EFCAB14: variants seen among roughly 807,000 people sequenced by gnomAD.
EFCAB14 encodes the protein EF-hand calcium-binding domain-containing protein 14.
EFCAB14 carries 43 observed loss-of-function variants against 56.5 expected under a neutral mutation model. The observed-to-expected ratio is 0.76, with a 90% CI of 0.60 to 0.98. The LOEUF (loss-of-function observed/expected upper bound fraction) is 0.98. Ranked by LOEUF, EFCAB14 falls within the 50% of genes least tolerant of loss-of-function variation. EFCAB14 has a pLI of 0.00. For missense variants in EFCAB14, 538 were observed against 580.3 expected (o/e 0.93, Z 0.75); for synonymous variants, 235 against 212.9 (o/e 1.10, Z -0.90).
chr1:46,693,816 C>A (rs1428799450), intron 4 of EFCAB14, among the ~76,000 whole-genome samples: 1 of 152,144 alleles, frequency 6.6e-6, no homozygotes, highest in Non-Finnish European at 1.5e-5. Context: ...GGAAGTTCCA[C>A]AAATGTTTAT....
At chr1:46,687,374 T>C (rs965531090) in intron 7 of EFCAB14, among the ~76,000 whole-genome samples, 2 of 152,210 alleles carry the variant, frequency 1.3e-5, no homozygotes, top group Non-Finnish European at 2.9e-5. Flanking sequence ...AAAGCTCCTT[T>C]AATCTTCACA....
At chr1:46,687,013 G>A in intron 7 of EFCAB14, 143 bp from the exon 8 acceptor site, 2 of 707,670 alleles carry the variant, frequency 2.8e-6, no homozygotes, top group East Asian at 2.7e-5. Flanking sequence ...GCAGAGGAGT[G>A]GGAGATGGGA....
intron 2 of EFCAB14, among the ~76,000 whole-genome samples, chr1:46,715,628 T>C (rs3766214): frequency 0.37 from 55,923 of 151,340 alleles, 11,532 homozygotes; most frequent in East Asian, 0.74. Flanking sequence ...ACTTTATGCT[T>C]GGGGAGATGC....
At chr1:46,694,635 G>A (rs1219344215) in intron 4 of EFCAB14, among the ~76,000 whole-genome samples, 3 of 152,338 alleles carry the variant, frequency 2.0e-5, no homozygotes, top group East Asian at 3.9e-4. Context: ...TGGTGGGACT[G>A]TAAACTAGTT....
chr1:46,702,399 C>T (rs1677171346), intron 3 of EFCAB14, among the ~76,000 whole-genome samples: 1 of 152,142 alleles, frequency 6.6e-6, no homozygotes, highest in Non-Finnish European at 1.5e-5. Context: ...CTACTGAATC[C>T]TACAGGGGCT....
At position 46,716,337 on chromosome 1, in the gene EFCAB14, G is replaced by A. The variant is rs763967171; in HGVS notation, c.292C>T (p.Leu98Phe). The part of the protein sequence containing the change: ...CVGLVWMQVA[L>F]KEDLDALKEK... The stretch of plus-strand genomic sequence containing the variant: ...TTGAGGGCATCCAGATCCTCCTTGA[G>A]AGCAACCTGCATCCACACCAAGCCA... Residue 98 changes from leucine to phenylalanine, a missense_variant, in exon 2 of 11, where the codon CTC becomes TTC. By Grantham distance (22) the Leu-to-Phe change is conservative. Coordinates refer to ENST00000371933, the MANE Select transcript of EFCAB14 (RefSeq NM_014774.3). 12 of 1,611,260 alleles carry A rather than the reference G, an allele frequency of 7.4e-6. No homozygotes were observed. The Admixed American group carries it at 1.0e-4, about 13-fold the overall frequency.
chr1:46,708,887 CTT>C (rs1677269625), intron 2 of EFCAB14, among the ~76,000 whole-genome samples: 1 of 151,490 alleles, frequency 6.6e-6, no homozygotes, highest in Non-Finnish European at 1.5e-5. Flanking sequence ...AGCATTTTCC[CTT>C]TTCATAGAAA....
chr1:46,715,223 C>CA (rs1196772639), intron 2 of EFCAB14, among the ~76,000 whole-genome samples: 1 of 152,082 alleles, frequency 6.6e-6, no homozygotes, highest in Non-Finnish European at 1.5e-5. Flanking sequence ...AAGTTGATAT[C>CA]AAAGAGATCT....
chr1:46,711,828 T>A (rs192269335), intron 2 of EFCAB14, among the ~76,000 whole-genome samples: 36 of 152,296 alleles, frequency 2.4e-4, no homozygotes, highest in Admixed American at 9.8e-4. Flanking sequence ...TGCAATAAAC[T>A]TTTATGTATT....
intron 2 of EFCAB14, among the ~76,000 whole-genome samples, chr1:46,710,856 A>C (rs1677297762): frequency 6.6e-6 from 1 of 152,138 alleles, no homozygotes; most frequent in Non-Finnish European, 1.5e-5. Flanking sequence ...CCAGTGAGAT[A>C]AACTTTTCTT....
In EFCAB14 at chr1:46,684,310, A is replaced by C. The variant is rs979745136; in HGVS notation, c.1186+181T>G. The C allele has an allele frequency of 5.2e-6, 3 of 580,674 alleles. No homozygotes were observed. The African/African-American group carries it at 5.6e-5, about 11-fold the overall frequency. 36.0% of individuals were successfully genotyped at this position (580,674 alleles called of 1,614,324 possible). A position where few individuals can be genotyped will look rare whatever the true frequency, so the allele number is the denominator to read the frequency against. On this transcript the variant is annotated intron_variant, in intron 9 of 10. Transcript: ENST00000371933. The stretch of plus-strand genomic sequence containing the variant: ...TTCTTCCCTTAATAGACTAGAGTAC[A>C]AATCATGTACAAAATGGGCCTTTTC...
intron 3 of EFCAB14, among the ~76,000 whole-genome samples, chr1:46,697,854 CTTT>C (rs759488898): frequency 4.5e-5 from 6 of 134,580 alleles, no homozygotes; most frequent in Admixed American, 7.5e-5. Context: ...CTCTCTCTCT[CTTT>C]TTTTTTTTTT....
chr1:46,699,470 T>G (rs1440369489), intron 3 of EFCAB14, among the ~76,000 whole-genome samples: 1 of 152,224 alleles, frequency 6.6e-6, no homozygotes, highest in African/African-American at 2.4e-5. Context: ...ATGTCTCTTT[T>G]ACTTTCCACA....
intron 1 of EFCAB14, among the ~76,000 whole-genome samples, chr1:46,717,196 T>A (rs1005175377): frequency 1.3e-5 from 2 of 152,168 alleles, no homozygotes; most frequent in Non-Finnish European, 2.9e-5. Flanking sequence ...AACCAACCAC[T>A]CAATGTCAGC....
At chr1:46,686,191 G>C (rs1048814754) in intron 8 of EFCAB14, among the ~76,000 whole-genome samples, 1 of 152,196 alleles carries the variant, frequency 6.6e-6, no homozygotes, top group Non-Finnish European at 1.5e-5. Context: ...GCATATCATA[G>C]ATTGCTGTCT....
chr1:46,694,302 T>C (rs1325795755), intron 4 of EFCAB14, among the ~76,000 whole-genome samples: 1 of 152,140 alleles, frequency 6.6e-6, no homozygotes, highest in African/African-American at 2.4e-5. Flanking sequence ...ACCTACAGAA[T>C]GGAAGAAAAT....
At chr1:46,705,354 T>C (rs1677218731) in intron 3 of EFCAB14, among the ~76,000 whole-genome samples, 1 of 152,238 alleles carries the variant, frequency 6.6e-6, no homozygotes, top group South Asian at 2.1e-4. Flanking sequence ...TCCAGTTTCA[T>C]AGATGAAGCC....
chr1:46,693,525 TTTGCTATCTATGTAAGCTCTG>T (rs1269643214), intron 4 of EFCAB14, among the ~76,000 whole-genome samples: 23 of 152,136 alleles, frequency 1.5e-4, no homozygotes, highest in African/African-American at 5.3e-4. Flanking sequence ...TCTAAGCTGG[TTTGCTATCTATGTAAGCTCTG>T]TTGCTATCTA....
intron 4 of EFCAB14, among the ~76,000 whole-genome samples, chr1:46,695,134 T>C (rs1157134854): frequency 6.6e-6 from 1 of 151,578 alleles, no homozygotes; most frequent in East Asian, 1.9e-4. Flanking sequence ...GATGAGTTAA[T>C]GGGTGCAGCA....
Sources: allele counts gnomAD v4.1 joint callset (sites outside exome capture counted in the v4.1 genomes callset), GRCh38; gene constraint gnomAD v4.1.1; transcripts MANE v1.5; gene names NCBI Gene and HGNC (gene_info 2026-07-23, HGNC 2026-07-21).